Variants in PDCD10 observed in about 807,000 individuals in gnomAD.
The protein encoded by PDCD10 is programmed cell death protein 10.
In PDCD10, 4 loss-of-function variants were observed where a neutral mutation model predicts 29.2. The observed-to-expected ratio is 0.14, with a 90% CI of 0.07 to 0.31. The LOEUF (loss-of-function observed/expected upper bound fraction) is 0.31. Ranked by LOEUF, PDCD10 falls within the 10% of genes least tolerant of loss-of-function variation. The probability of loss-of-function intolerance (pLI) is 1.00; values close to 1 mark genes in which losing one functional copy is unlikely to be tolerated. For synonymous variants in PDCD10, 70 were observed against 82.2 expected (o/e 0.85, Z 0.80); for missense variants, 183 against 257.9 (o/e 0.71, Z 1.99).
intron 4 of PDCD10, among the ~76,000 whole-genome samples, chr3:167,703,805 G>A (rs1027649558): frequency 4.6e-5 from 7 of 151,406 alleles, no homozygotes; most frequent in Admixed American, 6.6e-5. Context: ...AATATTAAGC[G>A]GCCACATTTA....
intron 2 of PDCD10, among the ~76,000 whole-genome samples, chr3:167,722,445 C>G (rs1057296283): frequency 1.3e-5 from 2 of 152,082 alleles, no homozygotes; most frequent in Non-Finnish European, 1.5e-5. Context: ...TGGAGAAAAC[C>G]AGCATCACGA....
chr3:167,690,038 C>CCAAT (rs1206878609), intron 6 of PDCD10, among the ~76,000 whole-genome samples: 1 of 152,074 alleles, frequency 6.6e-6, no homozygotes, highest in Non-Finnish European at 1.5e-5. Context: ...AGACAATTAA[C>CCAAT]CAGATAAAGA....
chr3:167,702,184 C>G (rs1426804651), intron 4 of PDCD10, among the ~76,000 whole-genome samples: 1 of 152,094 alleles, frequency 6.6e-6, no homozygotes, highest in Non-Finnish European at 1.5e-5. Context: ...TGTAAAGTTA[C>G]ACTAAGTGTG....
intron 3 of PDCD10, among the ~76,000 whole-genome samples, chr3:167,717,663 T>C (rs1723153641): frequency 6.6e-6 from 1 of 152,040 alleles, no homozygotes. Flanking sequence ...ACCTCATATT[T>C]GAAGGAACAT....
chr3:167,696,170 TTCA>T (rs1720788244), intron 5 of PDCD10, among the ~76,000 whole-genome samples: 2 of 152,266 alleles, frequency 1.3e-5, no homozygotes, highest in South Asian at 2.1e-4. Context: ...TATACATTGC[TTCA>T]TCATATTAAA....
At chr3:167,704,569 A>AC (rs1168382855) in intron 4 of PDCD10, 2 of 280,836 alleles carry the variant, frequency 7.1e-6, no homozygotes, top group Admixed American at 4.9e-5. Context: ...AAAAAAAAAA[A>AC]CCCTCAAAAA....
chr3:167,723,426 A>G (rs559759403), intron 2 of PDCD10, among the ~76,000 whole-genome samples: 4 of 152,036 alleles, frequency 2.6e-5, no homozygotes, highest in African/African-American at 7.3e-5. Flanking sequence ...AAGGTACACT[A>G]TTTTCTGGAG....
intron 3 of PDCD10, among the ~76,000 whole-genome samples, chr3:167,710,823 C>T (rs1013307817): frequency 2.6e-5 from 4 of 152,134 alleles, no homozygotes; most frequent in African/African-American, 9.7e-5. Flanking sequence ...GTCACCCCTC[C>T]CCCAGCTTCA....
At chr3:167,697,927 G>T in intron 4 of PDCD10, 1 of 456,530 alleles carries the variant, frequency 2.2e-6, no homozygotes, top group Non-Finnish European at 4.4e-6. Context: ...GTTTCCTGTA[G>T]GATGCCTGCC....
chr3:167,728,725 G>T (rs895570335), intron 2 of PDCD10, among the ~76,000 whole-genome samples: 1 of 152,108 alleles, frequency 6.6e-6, no homozygotes. Context: ...CTATTTCCTA[G>T]TATCCAACAC....
chr3:167,728,393 G>A (rs1383973902), intron 2 of PDCD10, among the ~76,000 whole-genome samples: 1 of 152,176 alleles, frequency 6.6e-6, no homozygotes, highest in Non-Finnish European at 1.5e-5. Flanking sequence ...ATATAAGTCT[G>A]AGGAGGCAGC....
chr3:167,684,538 A>T, intron 8 of PDCD10, 149 bp from the exon 9 acceptor site: 1 of 605,574 alleles, frequency 1.7e-6, no homozygotes, highest in South Asian at 1.8e-5. Context: ...AATTTAGGAT[A>T]TAATAGTCTT....
At chr3:167,706,111 G>T (rs1185351595) in intron 3 of PDCD10, among the ~76,000 whole-genome samples, 2 of 152,150 alleles carry the variant, frequency 1.3e-5, no homozygotes, top group Non-Finnish European at 2.9e-5. Context: ...AAAGGATCCA[G>T]ACAAGTAAAA....
Position 167,684,350 on chromosome 3 carries a change from A to G in PDCD10, c.597T>C (p.His199=). 1 of 1,608,452 alleles carries G rather than the reference A, an allele frequency of 6.2e-7. No individual in the cohort carries two copies. The highest frequency in any genetic ancestry group is 8.5e-7 in the Non-Finnish European group (1 of 1,175,156). The part of the protein sequence containing the change: ...NVFVSANRLI[H]QTNLILQTFK... Reference sequence around the variant, plus strand: ...AGGTCTGAAGTATTAAGTTGGTTTGATGAATTAGTCGGTTGGCACTTACGA... The same window carrying G: ...AGGTCTGAAGTATTAAGTTGGTTTGGTGAATTAGTCGGTTGGCACTTACGA... The change falls in exon 9 of 9, where the codon CAT becomes CAC. Residue 199 remains histidine, a synonymous_variant. Coordinates refer to ENST00000392750, the MANE Select transcript of PDCD10 (RefSeq NM_007217.4).
intron 3 of PDCD10, among the ~76,000 whole-genome samples, chr3:167,708,753 C>G (rs182180499): frequency 1.3e-5 from 2 of 152,042 alleles, no homozygotes; most frequent in African/African-American, 4.8e-5. Context: ...AGCTGTCTGG[C>G]AAAAAAGGTA....
chr3:167,720,569 T>C (rs753635258), intron 2 of PDCD10, among the ~76,000 whole-genome samples: 1 of 152,056 alleles, frequency 6.6e-6, no homozygotes, highest in Non-Finnish European at 1.5e-5. Flanking sequence ...TAATGATGTA[T>C]GTCATGCCAC....
At chr3:167,698,353 T>C (rs142502749) in intron 4 of PDCD10, among the ~76,000 whole-genome samples, 32 of 152,280 alleles carry the variant, frequency 2.1e-4, no homozygotes, top group African/African-American at 7.5e-4. Flanking sequence ...GACTTTTCCT[T>C]CCATGGATAT....
intron 8 of PDCD10, among the ~76,000 whole-genome samples, chr3:167,685,864 C>T (rs1043016657): frequency 6.6e-6 from 1 of 152,138 alleles, no homozygotes; most frequent in African/African-American, 2.4e-5. Flanking sequence ...CTTAGACAAA[C>T]CTGTGTATGG....
chr3:167,695,183 T>G (rs190324620), intron 6 of PDCD10, among the ~76,000 whole-genome samples: 2 of 152,350 alleles, frequency 1.3e-5, no homozygotes, highest in Non-Finnish European at 2.9e-5. Flanking sequence ...ATTTAGAGGC[T>G]ATTTGGTCAG....
Sources: allele counts gnomAD v4.1 joint callset (sites outside exome capture counted in the v4.1 genomes callset), GRCh38; gene constraint gnomAD v4.1.1; transcripts MANE v1.5; gene names NCBI Gene and HGNC (gene_info 2026-07-23, HGNC 2026-07-21).